Variants in CACNA1C observed in about 807,000 individuals in gnomAD.
CACNA1C encodes the protein voltage-dependent L-type calcium channel subunit alpha-1C.
CACNA1C carries 30 observed loss-of-function variants against 229.0 expected under a neutral mutation model. The observed-to-expected ratio is 0.13, with a 90% CI of 0.10 to 0.18. The LOEUF (loss-of-function observed/expected upper bound fraction) is 0.18, where lower values mean the gene tolerates loss of function less well. Among genes scored for constraint, CACNA1C ranks in the 10% least tolerant of loss-of-function variants. CACNA1C has a pLI of 1.00. For synonymous variants in CACNA1C, 1,114 were observed against 1,132.5 expected, an observed-to-expected ratio of 0.98 and a Z score of 0.33; for missense variants, 1,658 against 2,845.0, an observed-to-expected ratio of 0.58 and a Z score of 9.49.
rs556385121 is a variant in CACNA1C at position 2,677,041 on chromosome 12, A to G, written c.4829-53A>G. 2.7e-5 allele frequency: 41 copies of G among 1,506,598 alleles called. No homozygotes were observed. The highest frequency in any genetic ancestry group is 6.9e-5 in the East Asian group (3 of 43,748). The allele number at this position is 1,506,598 out of a possible 1,614,324, so 93.3% of individuals were successfully genotyped here. On this transcript the variant is annotated intron_variant, in intron 39 of 46. Coordinates refer to ENST00000399655, the MANE Select transcript of CACNA1C (RefSeq NM_000719.7). The surrounding 1 kb of genome is among the most constrained non-coding windows in gnomAD (Gnocchi z 7.4). Reference sequence around the variant, plus strand: ...TGAAAAAAAAAATGAATGAAGTTCAACTGAATTCCCCTGCTCCCCTCTTAC... The same window carrying G: ...TGAAAAAAAAAATGAATGAAGTTCAGCTGAATTCCCCTGCTCCCCTCTTAC...
At chr12:2,305,158 G>A (rs1566964402) in intron 3 of CACNA1C, among the ~76,000 whole-genome samples, 1 of 152,170 alleles carries the variant, frequency 6.6e-6, no homozygotes, top group African/African-American at 2.4e-5. Flanking sequence ...ACACTGCAGG[G>A]CTATTTCTTT....
chr12:2,255,822 AT>A (rs2077315836), intron 3 of CACNA1C, among the ~76,000 whole-genome samples: 2 of 152,278 alleles, frequency 1.3e-5, no homozygotes, highest in Non-Finnish European at 1.5e-5. Context: ...CAATCACACG[AT>A]CCTGACCTTA....
At chr12:2,436,870 G>C (rs948202324) in intron 3 of CACNA1C, among the ~76,000 whole-genome samples, 1 of 152,182 alleles carries the variant, frequency 6.6e-6, no homozygotes, top group African/African-American at 2.4e-5. Flanking sequence ...CTTCCCCCAG[G>C]ACCTCAGTTT....
chr12:2,482,772 A>T (rs1425190184), intron 5 of CACNA1C, among the ~76,000 whole-genome samples: 1 of 152,108 alleles, frequency 6.6e-6, no homozygotes, highest in African/African-American at 2.4e-5. Context: ...ATAAGTGTTT[A>T]TCTGTGCTGA....
chr12:2,211,844 G>A (rs376986700), intron 3 of CACNA1C, among the ~76,000 whole-genome samples: 3 of 148,780 alleles, frequency 2.0e-5, no homozygotes, highest in East Asian at 2.1e-4. Flanking sequence ...TCAGCCTCCC[G>A]AGTAGCTGGG....
rs1050763158 is a variant in CACNA1C at position 2,646,778 on chromosome 12, G to GAC, written c.3913-1696_3913-1695insCA. On this transcript the variant is annotated intron_variant, in intron 30 of 46. Transcript: ENST00000399655. The surrounding 1 kb of genome is among the most constrained non-coding windows in gnomAD (Gnocchi z 4.6). ...AGAGAGAGAGAGAGAAAGAGAGAGAGAGAGAGAGAGAGTGTGTGTGTGCGC... is the reference window on the plus strand; with the variant it reads ...AGAGAGAGAGAGAGAAAGAGAGAGAGACAGAGAGAGAGAGTGTGTGTGTGCGC... 1.3e-5 allele frequency among the ~76,000 whole-genome samples: 2 copies of GAC among 150,032 alleles called. No individual in the cohort carries two copies. Among genetic ancestry groups the GAC allele is most frequent in the Admixed American group, 1.3e-4 (2 of 14,854 alleles).
intron 3 of CACNA1C, among the ~76,000 whole-genome samples, chr12:2,276,709 G>GAAT (rs2088276649): frequency 6.6e-6 from 1 of 152,194 alleles, no homozygotes; most frequent in Non-Finnish European, 1.5e-5. Flanking sequence ...GTTGATAAAA[G>GAAT]AATAGGGTTC....
At chr12:2,580,812 T>C (rs930651655) in intron 13 of CACNA1C, among the ~76,000 whole-genome samples, 6 of 152,230 alleles carry the variant, frequency 3.9e-5, no homozygotes, top group African/African-American at 1.4e-4. Flanking sequence ...TGCTTTGAGC[T>C]GCCCCAGTGG....
intron 1 of CACNA1C, among the ~76,000 whole-genome samples, chr12:2,028,883 A>G (rs2047760442): frequency 1.3e-5 from 2 of 152,232 alleles, no homozygotes; most frequent in Admixed American, 1.3e-4. Flanking sequence ...GTTTTTATTT[A>G]AAAGTTGGAA....
chr12:2,082,500 C>G (rs574747398), intron 1 of CACNA1C, among the ~76,000 whole-genome samples: 1 of 152,302 alleles, frequency 6.6e-6, no homozygotes, highest in South Asian at 2.1e-4. Context: ...GACAACACCC[C>G]CCGCATGGTG....
At chr12:2,026,862 T>A (rs1460877033) in intron 1 of CACNA1C, among the ~76,000 whole-genome samples, 3 of 152,182 alleles carry the variant, frequency 2.0e-5, no homozygotes, top group African/African-American at 7.2e-5. Context: ...ATTGGGGAAA[T>A]TTTGAGGAGT....
At position 2,677,985 on chromosome 12, in the gene CACNA1C, C is replaced by T. The variant is rs1473300490; in HGVS notation, c.5091+118C>T. 12 of 1,151,140 alleles carry T rather than the reference C, an allele frequency of 1.0e-5. No individual in the cohort carries two copies. In the Admixed American group the frequency reaches 2.1e-4, roughly 20 times the overall value. The allele number at this position is 1,151,140 out of a possible 1,614,324, so 71.3% of individuals were successfully genotyped here. On this transcript the variant is annotated intron_variant, in intron 41 of 46. Transcript: ENST00000399655. The surrounding 1 kb of genome is among the most constrained non-coding windows in gnomAD (Gnocchi z 7.4). ...GGAGCTGCACCAGAGGAAAGGGCTA[C>T]TTCCAGGCTCTTCCTGATGAGCTGT...
At chr12:2,096,165 C>T (rs536067851) in intron 1 of CACNA1C, among the ~76,000 whole-genome samples, 5 of 152,248 alleles carry the variant, frequency 3.3e-5, no homozygotes, top group Admixed American at 6.5e-5. Context: ...GCCAGAGGTC[C>T]GATGCCTGAT....
intron 3 of CACNA1C, among the ~76,000 whole-genome samples, chr12:2,177,578 TC>T (rs2096688329): frequency 3.0e-5 from 1 of 33,314 alleles, no homozygotes; most frequent in African/African-American, 1.6e-4. Flanking sequence ...CCTCCCTCCC[TC>T]CCTCCCTCCC....
At chr12:2,409,567 C>A (rs1261431798) in intron 3 of CACNA1C, among the ~76,000 whole-genome samples, 2 of 152,206 alleles carry the variant, frequency 1.3e-5, no homozygotes, top group African/African-American at 4.8e-5. Flanking sequence ...GGTTTCTCAC[C>A]ATAATTTCTT....
chr12:2,400,745 C>T (rs560504443), intron 3 of CACNA1C, among the ~76,000 whole-genome samples: 1 of 152,252 alleles, frequency 6.6e-6, no homozygotes, highest in South Asian at 2.1e-4. Context: ...CCCCATCTGG[C>T]CTGCTCACCA....
At chr12:2,349,411 G>A (rs1218440283) in intron 3 of CACNA1C, among the ~76,000 whole-genome samples, 3 of 151,842 alleles carry the variant, frequency 2.0e-5, no homozygotes, top group Non-Finnish European at 2.9e-5. Flanking sequence ...TGGAATCATC[G>A]TTTTTTTTAA....
rs1242402069 is a variant in CACNA1C at position 2,597,533 on chromosome 12, C to A, written c.2853+244C>A. The A allele has an allele frequency of 2.4e-6, 3 of 1,252,658 alleles. No individual in the cohort carries two copies. Among genetic ancestry groups the A allele is most frequent in the Non-Finnish European group, 3.5e-6 (3 of 850,446 alleles). 77.6% of individuals were successfully genotyped at this position (1,252,658 alleles called of 1,614,324 possible). A position where few individuals can be genotyped will look rare whatever the true frequency, so the allele number is the denominator to read the frequency against. On this transcript the variant is annotated intron_variant, in intron 21 of 46. Transcript: ENST00000399655. The surrounding 1 kb of genome is among the most constrained non-coding windows in gnomAD (Gnocchi z 4.3). ...TGGGCAATGCATCCTCTGTCGCTTT[C>A]TTTGTCTATCTCTGCTCTGTGTGGC...
At chr12:2,613,480 T>G (rs921818690) in intron 29 of CACNA1C, 5 of 152,222 alleles carry the variant, frequency 3.3e-5, no homozygotes, top group African/African-American at 1.2e-4. Context: ...ACTTAAAAGA[T>G]AAGACAATAT....
Sources: gnomAD v4.1 joint callset for allele counts (sites outside exome capture counted in the v4.1 genomes callset) on GRCh38, gnomAD v4.1.1 for gene constraint, Gnocchi (gnomAD v3.1) non-coding constraint, MANE v1.5 for transcripts, NCBI Gene and HGNC (gene_info 2026-07-23, HGNC 2026-07-21) for gene names.